Variants in MYCBP2 observed in about 807,000 individuals in gnomAD.
MYCBP2 encodes the protein MYC binding protein 2, also known as E3 ubiquitin-protein ligase MYCBP2.
In MYCBP2, 120 loss-of-function variants were observed where a neutral mutation model predicts 525.3. That is an observed-to-expected ratio of 0.23 (90% CI 0.20 to 0.27). The LOEUF is 0.27. Among genes scored for constraint, MYCBP2 ranks in the 10% least tolerant of loss-of-function variants. The pLI, the probability that MYCBP2 is intolerant of heterozygous loss-of-function variation, is 1.00. For missense variants in MYCBP2, 4,149 were observed against 5,657.1 expected, an observed-to-expected ratio of 0.73 and a Z score of 8.55; for synonymous variants, 1,894 against 1,955.8, an observed-to-expected ratio of 0.97 and a Z score of 0.83.
Position 77,233,018 on chromosome 13 carries a change from T to C in MYCBP2, c.2737+138A>G, listed in dbSNP as rs190049794. ...CTGACAAACGGTATCACTTTCAGAA[T>C]GTTCTTTCTCCTCAGGCTACATCAT... On this transcript the variant is annotated intron_variant, in intron 18 of 82. Coordinates refer to ENST00000544440, the MANE Select transcript of MYCBP2 (RefSeq NM_015057.5). 1.4e-3 allele frequency: 835 copies of C among 611,124 alleles called. 3 individuals are homozygous for C. Among genetic ancestry groups the C allele is most frequent in the Non-Finnish European group, 2.0e-3 (691 of 353,976 alleles). The allele number at this position is 611,124 out of a possible 1,614,324, so 37.9% of individuals were successfully genotyped here.
intron 18 of MYCBP2, among the ~76,000 whole-genome samples, chr13:77,232,019 A>G (rs1469597911): frequency 6.6e-6 from 1 of 152,190 alleles, no homozygotes; most frequent in Non-Finnish European, 1.5e-5. Context: ...GATTTAAAAC[A>G]CTATTTTTAT....
chr13:77,126,192 G>A (rs1221061507), intron 53 of MYCBP2, 126 bp downstream of exon 53: 1 of 693,606 alleles, frequency 1.4e-6, no homozygotes, highest in Non-Finnish European at 2.3e-6. Flanking sequence ...TGCAATACAA[G>A]TAAAGATAAA....
intron 54 of MYCBP2, among the ~76,000 whole-genome samples, chr13:77,123,644 C>A (rs2051135654): frequency 6.6e-6 from 1 of 152,188 alleles, no homozygotes; most frequent in Non-Finnish European, 1.5e-5. Flanking sequence ...GTCAAGGTCA[C>A]ATGAGTAAAA....
In MYCBP2 at chr13:77,067,572, A is replaced by G; in HGVS notation, c.12455+9T>C. On this transcript the variant is annotated intron_variant, in intron 71 of 82. Transcript: ENST00000544440. Reference sequence around the variant, plus strand: ...CTGTTTTGGTACTAAAATAGAGGCAATAACTAACCTGGAATTGAAAATCAT... The same window carrying G: ...CTGTTTTGGTACTAAAATAGAGGCAGTAACTAACCTGGAATTGAAAATCAT... 2 of 1,613,592 alleles carry G rather than the reference A, an allele frequency of 1.2e-6. No individual in the cohort carries two copies. The highest frequency in any genetic ancestry group is 1.7e-6 in the Non-Finnish European group (2 of 1,179,544).
chr13:77,206,516 G>T, intron 24 of MYCBP2, 137 bp downstream of exon 24: 4 of 817,940 alleles, frequency 4.9e-6, no homozygotes, highest in Non-Finnish European at 1.7e-6. Flanking sequence ...TAGCCTCTTA[G>T]AGGATTTAAC....
chr13:77,156,056 A>G lies in MYCBP2; in HGVS notation c.6915+2T>C. On this transcript the variant is annotated splice_donor_variant, in intron 46 of 82. Transcript: ENST00000544440. LOFTEE classifies it high-confidence loss of function. ...CTGCTAATTTAATCCAGTTATAATT[A>G]CCTTCATATTGGGAACATGTACCAC... 6.2e-7 allele frequency: 1 copy of G among 1,610,574 alleles called. No homozygotes were observed. The highest frequency in any genetic ancestry group is 8.5e-7 in the Non-Finnish European group (1 of 1,178,238).
chr13:77,180,062 A>G (rs1020102273), intron 34 of MYCBP2, 65 bp downstream of exon 34: 1 of 1,354,976 alleles, frequency 7.4e-7, no homozygotes, highest in Non-Finnish European at 1.0e-6. Flanking sequence ...AATAGTTGAA[A>G]AAAGAAACTG....
At chr13:77,127,943 A>C (rs1229065265) in intron 52 of MYCBP2, among the ~76,000 whole-genome samples, 2 of 151,934 alleles carry the variant, frequency 1.3e-5, no homozygotes. Flanking sequence ...ACTAAGAAAA[A>C]TTAATTTACA....
At chr13:77,201,252 G>A (rs1202120906) in intron 26 of MYCBP2, among the ~76,000 whole-genome samples, 2 of 148,928 alleles carry the variant, frequency 1.3e-5, no homozygotes, top group East Asian at 3.9e-4. Flanking sequence ...CCTAGTCTCT[G>A]ATAAAACAGA....
At chr13:77,190,643 C>T (rs1008545257) in intron 28 of MYCBP2, among the ~76,000 whole-genome samples, 3 of 152,116 alleles carry the variant, frequency 2.0e-5, no homozygotes, top group Admixed American at 6.5e-5. Context: ...ATAATATCTG[C>T]TTGACTAGCT....
Position 77,181,686 on chromosome 13 carries a change from C to T in MYCBP2, c.4941+15G>A. The T allele has an allele frequency of 6.2e-7, 1 of 1,609,498 alleles. No homozygotes were observed. The highest frequency in any genetic ancestry group is 8.5e-7 in the Non-Finnish European group (1 of 1,177,212). The stretch of plus-strand genomic sequence containing the variant: ...TTTAGTGCCTCTGTATAAAAGATTT[C>T]AGAGACAGACCTACCTGGCTGAGTT... On this transcript the variant is annotated intron_variant, in intron 33 of 82. Coordinates refer to ENST00000544440, the MANE Select transcript of MYCBP2 (RefSeq NM_015057.5).
rs1374993391 is a variant in MYCBP2, at chr13:77,278,785, G to T, written c.721C>A (p.Leu241Ile). The T allele has an allele frequency of 3.2e-6, 5 of 1,572,078 alleles. No homozygotes were observed. The highest frequency in any genetic ancestry group is 4.3e-6 in the Non-Finnish European group (5 of 1,161,704). ...NVLQGQQPEG[L>I]QSEPPEVLES... ...AGGACCTCAGGTGGCTCAGACTGGA[G>T]GCCTTCTGGCTGCTGGCCCTGCAGC... Residue 241 changes from leucine (L) to isoleucine (I), a missense_variant, in exon 4 of 83, where the codon CTC becomes ATC. Physicochemically the swap from Leu to Ile is conservative, Grantham distance 5 (BLOSUM62 2). Transcript: ENST00000544440.
chr13:77,228,725 GTGTA>G (rs372044297), intron 18 of MYCBP2, among the ~76,000 whole-genome samples: 1 of 133,700 alleles, frequency 7.5e-6, no homozygotes, highest in East Asian at 2.2e-4. Flanking sequence ...GTGTGTGTGT[GTGTA>G]TACCATGTAA....
intron 63 of MYCBP2, among the ~76,000 whole-genome samples, chr13:77,082,655 GCT>G (rs2043497544): frequency 6.6e-6 from 1 of 152,052 alleles, no homozygotes; most frequent in African/African-American, 2.4e-5. Context: ...ATACAACCAG[GCT>G]CTGTTTTCCC....
chr13:77,310,304 TC>T (rs1035136695), intron 1 of MYCBP2, among the ~76,000 whole-genome samples: 3 of 152,198 alleles, frequency 2.0e-5, no homozygotes, highest in African/African-American at 7.2e-5. Context: ...GTTTTGCACT[TC>T]TTTGATTCCC....
At chr13:77,317,432 A>G (rs1177934257) in intron 1 of MYCBP2, among the ~76,000 whole-genome samples, 4 of 152,232 alleles carry the variant, frequency 2.6e-5, no homozygotes, top group African/African-American at 9.6e-5. Flanking sequence ...GGTGATTCAC[A>G]GAGTGATGCT....
intron 15 of MYCBP2, among the ~76,000 whole-genome samples, chr13:77,249,168 T>C (rs944941442): frequency 6.6e-6 from 1 of 152,142 alleles, no homozygotes; most frequent in African/African-American, 2.4e-5. Context: ...TTTTACAAGA[T>C]GAAAAGTTAT....
rs1308978531 is a variant in MYCBP2, at chr13:77,093,313, C to T, written c.10219G>A (p.Val3407Met). The change falls in exon 59 of 83, where the codon GTG becomes ATG. Residue 3407 changes from valine to methionine, a missense_variant. Coordinates refer to ENST00000544440, the MANE Select transcript of MYCBP2 (RefSeq NM_015057.5). ...TLARHHHENF[V>M]GYQDDNLFQD... ...AATAGATTGTCATCTTGATAGCCCA[C>T]AAAATTTTCATGATGATGCCTGCAT... 1.2e-6 allele frequency: 2 copies of T among 1,613,038 alleles called. No individual in the cohort carries two copies. Among genetic ancestry groups the T allele is most frequent in the South Asian group, 1.1e-5 (1 of 91,002 alleles).
chr13:77,191,706 C>G lies in MYCBP2; in HGVS notation c.4043G>C (p.Gly1348Ala). 6.2e-7 allele frequency: 1 copy of G among 1,614,012 alleles called. No individual in the cohort carries two copies. Among genetic ancestry groups the G allele is most frequent in the Non-Finnish European group, 8.5e-7 (1 of 1,179,960 alleles). Residue 1348 changes from glycine to alanine, a missense_variant, in exon 28 of 83, where the codon GGA becomes GCA. Gly to Ala is a moderately conservative substitution (Grantham distance 60, BLOSUM62 0). This residue lies in a region of MYCBP2 where 620 missense variants were observed against 795.5 expected (regional missense o/e 0.78). Transcript: ENST00000544440. ...SGPSSDCGSH[G>A]QASITTDDGV... is the part of the protein sequence containing the mutation. The stretch of plus-strand genomic sequence containing the variant: ...ATCATCTGTGGTAATAGATGCCTGT[C>G]CATGAGATCCACAGTCACTGCTGGG...
Sources: allele counts gnomAD v4.1 joint callset (sites outside exome capture counted in the v4.1 genomes callset), GRCh38; gene constraint gnomAD v4.1.1; regional missense constraint gnomAD v4.1.1; transcripts MANE v1.5; gene names NCBI Gene and HGNC (gene_info 2026-07-23, HGNC 2026-07-21).